SIPA1L3: variants seen among roughly 807,000 people sequenced by gnomAD.
SIPA1L3 encodes signal induced proliferation associated 1 like 3, also known as signal-induced proliferation-associated 1-like protein 3.
A neutral mutation model predicts 150.1 loss-of-function variants in SIPA1L3; 59 were observed. The ratio of observed to expected loss-of-function variants is 0.39; its 90% CI spans 0.32 to 0.49. The LOEUF (loss-of-function observed/expected upper bound fraction) is 0.49, where lower values mean the gene tolerates loss of function less well. Among genes scored for constraint, SIPA1L3 ranks in the 20% least tolerant of loss-of-function variants. SIPA1L3 has a pLI of 0.86. For missense variants in SIPA1L3, 2,211 were observed against 2,489.5 expected (o/e 0.89, Z 2.38); for synonymous variants, 1,070 against 1,077.6 (o/e 0.99, Z 0.14).
chr19:38,003,757 A>C (rs1293495235), intron 1 of SIPA1L3, among the ~76,000 whole-genome samples: 1 of 151,944 alleles, frequency 6.6e-6, no homozygotes, highest in African/African-American at 2.4e-5. Flanking sequence ...CTCTCTCGGG[A>C]CTGTGCCAGC....
chr19:38,142,994 T>C (rs1971627454), intron 12 of SIPA1L3, among the ~76,000 whole-genome samples: 1 of 152,142 alleles, frequency 6.6e-6, no homozygotes. Flanking sequence ...AGCACGGCCA[T>C]GCATCTAACT....
rs993565603 is a variant in SIPA1L3, at chr19:38,034,020, G to A, written c.-311+4864G>A. On this transcript the variant is annotated intron_variant, in intron 2 of 21. Transcript: ENST00000222345. ...ACAGCACACCTGGAGGTGCTTGGCTGCCAGTGTTAGTTTGGTGGCTGGGCA... is the reference window on the plus strand; with the variant it reads ...ACAGCACACCTGGAGGTGCTTGGCTACCAGTGTTAGTTTGGTGGCTGGGCA... 3.3e-5 allele frequency among the ~76,000 whole-genome samples: 5 copies of A among 152,200 alleles called. No homozygotes were observed. In the East Asian group the frequency reaches 9.6e-4, roughly 29 times the overall value.
chr19:37,963,960 A>G (rs1465963432), intron 1 of SIPA1L3: 3 of 152,182 alleles, frequency 2.0e-5, no homozygotes, highest in East Asian at 1.9e-4. Context: ...ACTTTTTAGT[A>G]TGAACAATTG....
Position 37,989,770 on chromosome 19 carries a change from A to C in SIPA1L3, c.-378-39319A>C, listed in dbSNP as rs1967453132. On this transcript the variant is annotated intron_variant, in intron 1 of 21. Transcript: ENST00000222345. Reference sequence around the variant, plus strand: ...AACCTCCGCCTCCTGGGTTCAAGCGATTCTCCTGCCTCAGCCTCCCCAGTA... The same window carrying C: ...AACCTCCGCCTCCTGGGTTCAAGCGCTTCTCCTGCCTCAGCCTCCCCAGTA... Among the ~76,000 whole-genome samples the C allele has an allele frequency of 2.0e-5, 3 of 149,946 alleles. No individual in the cohort carries two copies. The Admixed American group carries it at 2.0e-4, about 10-fold the overall frequency.
At chr19:38,141,770 G>A (rs1309435555) in intron 11 of SIPA1L3, among the ~76,000 whole-genome samples, 2 of 152,128 alleles carry the variant, frequency 1.3e-5, no homozygotes, top group African/African-American at 2.4e-5. Flanking sequence ...ATTGCTTGAG[G>A]CCAGGAGTTA....
chr19:38,173,170 A>T (rs1451300476), intron 15 of SIPA1L3, among the ~76,000 whole-genome samples: 2 of 152,264 alleles, frequency 1.3e-5, no homozygotes, highest in Non-Finnish European at 2.9e-5. Context: ...TCTGGAGAGG[A>T]CGGACTATCT....
In SIPA1L3 at chr19:38,201,871, C is replaced by A; in HGVS notation, c.4994C>A (p.Ala1665Asp). 1 of 1,610,302 alleles carries A rather than the reference C, an allele frequency of 6.2e-7. No homozygotes were observed. Among genetic ancestry groups the A allele is most frequent in the Non-Finnish European group, 8.5e-7 (1 of 1,178,290 alleles). ...CCTCCCTCCCTGGCAGTGCAAAGAG[C>A]CGTCTCACTCTTCTCTCTGAACGAC... ...NAAKAYEVQR[A>D]VSLFSLNDPA... The change falls in exon 20 of 22, where the codon GCC becomes GAC. Residue 1665 changes from alanine (A) to aspartate (D), a missense_variant. Coordinates refer to ENST00000222345, the MANE Select transcript of SIPA1L3 (RefSeq NM_015073.3).
intron 6 of SIPA1L3, among the ~76,000 whole-genome samples, chr19:38,103,178 A>C (rs1223516022): frequency 1.3e-5 from 2 of 150,652 alleles, no homozygotes; most frequent in African/African-American, 2.4e-5. Flanking sequence ...AATATGCAGG[A>C]TAGTGGTTGG....
At chr19:37,930,168 G>C (rs1206117740) in intron 1 of SIPA1L3, among the ~76,000 whole-genome samples, 1 of 152,032 alleles carries the variant, frequency 6.6e-6, no homozygotes, top group African/African-American at 2.4e-5. Flanking sequence ...GGGACTACGG[G>C]CGCCCGCCAC....
chr19:38,040,594 G>C (rs1459629498), intron 2 of SIPA1L3, among the ~76,000 whole-genome samples: 1 of 152,064 alleles, frequency 6.6e-6, no homozygotes, highest in Non-Finnish European at 1.5e-5. Flanking sequence ...ATTTCTCCAT[G>C]TTCTTTCTTC....
intron 1 of SIPA1L3, among the ~76,000 whole-genome samples, chr19:37,927,654 GGTGTGTGTGT>G (rs57987208): frequency 3.4e-3 from 462 of 136,770 alleles, no homozygotes; most frequent in African/African-American, 5.3e-3. Context: ...AAGAACATGG[GGTGTGTGTGT>G]GTGTGTGTGT....
In SIPA1L3 at chr19:38,142,599, AC is replaced by A. The variant is rs766427145; in HGVS notation, c.3423del (p.Tyr1141Ter). On this transcript the variant is annotated frameshift_variant, in exon 12 of 22. Coordinates refer to ENST00000222345, the MANE Select transcript of SIPA1L3 (RefSeq NM_015073.3). LOFTEE classifies it high-confidence loss of function. ...CCTGTCAGCTTCCCAGAAACCCCTT[AC>A]ACAGTATCACCAGCAGGGGCCGACA... ...KRPVSFPETPYTVSPAGADRV... is the reference protein window; with the variant it reads ...KRPVSFPETPXTVSPAGADRV... 1 of 1,613,604 alleles carries A rather than the reference AC, an allele frequency of 6.2e-7. No homozygotes were observed. The highest frequency in any genetic ancestry group is 1.1e-5 in the South Asian group (1 of 91,012).
At chr19:38,055,955 G>A (rs182544903) in intron 2 of SIPA1L3, among the ~76,000 whole-genome samples, 3 of 152,314 alleles carry the variant, frequency 2.0e-5, no homozygotes, top group African/African-American at 4.8e-5. Context: ...CGAACTAGCC[G>A]ATTGACTGCC....
At chr19:38,074,397 A>T (rs1306221234) in intron 2 of SIPA1L3, among the ~76,000 whole-genome samples, 1 of 152,214 alleles carries the variant, frequency 6.6e-6, no homozygotes, top group Non-Finnish European at 1.5e-5. Flanking sequence ...CATCTGGGCC[A>T]CTGGTTTTCC....
chr19:38,093,706 C>T (rs907751907), intron 4 of SIPA1L3, among the ~76,000 whole-genome samples: 1 of 152,208 alleles, frequency 6.6e-6, no homozygotes, highest in Non-Finnish European at 1.5e-5. Flanking sequence ...TCCAAGCCAG[C>T]CAGCCTGCCC....
intron 1 of SIPA1L3, among the ~76,000 whole-genome samples, chr19:38,011,120 T>C (rs554990025): frequency 6.6e-6 from 1 of 152,338 alleles, no homozygotes; most frequent in South Asian, 2.1e-4. Flanking sequence ...AGGTATCCAT[T>C]GTGAACAAGG....
In SIPA1L3 at chr19:38,081,731, A is replaced by G; in HGVS notation, c.166A>G (p.Thr56Ala). Residue 56 changes from threonine to alanine, a missense_variant, in exon 3 of 22, where the codon ACC becomes GCC. Thr to Ala is a moderately conservative substitution (Grantham distance 58). Around this residue, in one of 5 missense-constraint regions of SIPA1L3, gnomAD observed 130 missense variants for 174.5 expected, o/e 0.74. Coordinates refer to ENST00000222345, the MANE Select transcript of SIPA1L3 (RefSeq NM_015073.3). ...CCAGCCTCTTGGCGAGAGCCCGGCC[A>G]CCGCCACCGCCACCGCCACCGCCAC... Reference protein sequence around the residue: ...MSQPLGESPATATATATATTR... With the variant: ...MSQPLGESPAAATATATATTR... 1 of 1,580,376 alleles carries G rather than the reference A, an allele frequency of 6.3e-7. No homozygotes were observed. Among genetic ancestry groups the G allele is most frequent in the South Asian group, 1.1e-5 (1 of 89,048 alleles).
chr19:38,065,911 TTATC>T (rs1301920296), intron 2 of SIPA1L3, among the ~76,000 whole-genome samples: 7 of 106,758 alleles, frequency 6.6e-5, no homozygotes, highest in Non-Finnish European at 1.3e-4. Context: ...TCTTATTTAT[TTATC>T]TATTTATTTA....
chr19:38,164,403 C>T lies in SIPA1L3; in HGVS notation c.3781-76C>T, dbSNP rs184612828. 113 of 1,413,938 alleles carry T rather than the reference C, an allele frequency of 8.0e-5. No individual in the cohort carries two copies. The highest frequency in any genetic ancestry group is 5.9e-5 in the Non-Finnish European group (60 of 1,025,526). 87.6% of individuals were successfully genotyped at this position (1,413,938 alleles called of 1,614,324 possible). On this transcript the variant is annotated intron_variant, in intron 14 of 21. Transcript: ENST00000222345. The surrounding 1 kb of genome is among the most constrained non-coding windows in gnomAD (Gnocchi z 4.1). ...TCTGGTCCCAGGGTTCAGGCCCAGG[C>T]AGAGGGAGGACCCGGCAAGGGAAGA...
Sources: allele counts gnomAD v4.1 joint callset (sites outside exome capture counted in the v4.1 genomes callset), GRCh38; gene constraint gnomAD v4.1.1; regional missense constraint gnomAD v4.1.1; non-coding constraint Gnocchi (gnomAD v3.1); transcripts MANE v1.5; gene names NCBI Gene and HGNC (gene_info 2026-07-23, HGNC 2026-07-21).